Variants in SNX1 observed in about 807,000 individuals in gnomAD.
SNX1 encodes sorting nexin 1.
SNX1 carries 36 observed loss-of-function variants against 71.8 expected under a neutral mutation model. The ratio of observed to expected loss-of-function variants is 0.50; its 90% CI spans 0.38 to 0.66. The LOEUF (loss-of-function observed/expected upper bound fraction) is 0.66, where lower values mean the gene tolerates loss of function less well. Ranked by LOEUF, SNX1 falls within the 30% of genes least tolerant of loss-of-function variation. The pLI, the probability that SNX1 is intolerant of heterozygous loss-of-function variation, is 0.00. For synonymous variants in SNX1, 254 were observed against 240.7 expected (o/e 1.06, Z -0.51); for missense variants, 612 against 646.7 (o/e 0.95, Z 0.58).
rs1049455777 is a variant in SNX1 at position 64,136,548 on chromosome 15, G to A, written c.1446+138G>A. 6.9e-6 allele frequency: 5 copies of A among 729,270 alleles called. No homozygotes were observed. In the African/African-American group the frequency reaches 6.9e-5, roughly 10 times the overall value. 45.2% of individuals were successfully genotyped at this position (729,270 alleles called of 1,614,324 possible). On this transcript the variant is annotated intron_variant, in intron 13 of 14. Transcript: ENST00000559844. ...CTCGTGAGCAGGCGTGGCCTTCTTT[G>A]GGGGGGTGTGTGCTTGATCCTAGGA...
intron 2 of SNX1, among the ~76,000 whole-genome samples, chr15:64,117,359 A>G (rs111951891): frequency 0.045 from 6,917 of 152,160 alleles, 197 homozygotes; most frequent in South Asian, 0.085. Flanking sequence ...AGTTCAAACA[A>G]TTCTCCTGCC....
chr15:64,130,418 C>G, intron 10 of SNX1, 97 bp downstream of exon 10: 5 of 1,020,102 alleles, frequency 4.9e-6, no homozygotes, highest in South Asian at 1.3e-5. Flanking sequence ...CTCAGCCATC[C>G]AAGTTGAAAT....
At chr15:64,100,603 T>TAA (rs2080949436) in intron 1 of SNX1, among the ~76,000 whole-genome samples, 2 of 13,868 alleles carry the variant, frequency 1.4e-4, no homozygotes, top group Non-Finnish European at 3.5e-4. Context: ...AAACTCCATC[T>TAA]CAAAAAAAAA....
intron 8 of SNX1, 145 bp downstream of exon 8, chr15:64,127,951 G>T: frequency 1.6e-6 from 1 of 615,318 alleles, no homozygotes; most frequent in Non-Finnish European, 2.8e-6. Flanking sequence ...AGAGTGACAA[G>T]TATTTTTCAG....
In SNX1 at chr15:64,131,816, A is replaced by G; in HGVS notation, c.1145A>G (p.Gln382Arg). 2 of 1,614,202 alleles carry G rather than the reference A, an allele frequency of 1.2e-6. No individual in the cohort carries two copies. Among genetic ancestry groups the G allele is most frequent in the African/African-American group, 2.7e-5 (2 of 75,052 alleles). The change falls in exon 11 of 15, where the codon CAG becomes CGG. Residue 382 changes from glutamine to arginine, a missense_variant. Physicochemically the swap from Gln to Arg is conservative, Grantham distance 43. Transcript: ENST00000559844. ...EVEEKIEQLH[Q>R]EQANNDFFLL... ...GAAGAAAAAATTGAGCAGCTCCACC[A>G]GGAACAGGCCAACAATGACTTCTTC...
Position 64,140,228 on chromosome 15 carries a change from T to C in SNX1, c.*2610T>C, listed in dbSNP as rs892526902. ...CCAACATGATTTCCTAACTCCATAA[T>C]GCCTTCTACATTTATTGGTTGACAT... On this transcript the variant is annotated 3_prime_UTR_variant, in exon 15 of 15. Coordinates refer to ENST00000559844, the MANE Select transcript of SNX1 (RefSeq NM_003099.5). The C allele has an allele frequency of 6.6e-5, 10 of 152,264 alleles. No homozygotes were observed. Among genetic ancestry groups the C allele is most frequent in the Non-Finnish European group, 1.0e-4 (7 of 68,050 alleles). The allele number at this position is 152,264 out of a possible 1,614,324, so 9.4% of individuals were successfully genotyped here. A position where few individuals can be genotyped will look rare whatever the true frequency, so the allele number is the denominator to read the frequency against.
chr15:64,100,367 C>T (rs2080946116), intron 1 of SNX1, among the ~76,000 whole-genome samples: 2 of 151,990 alleles, frequency 1.3e-5, no homozygotes, highest in South Asian at 2.1e-4. Flanking sequence ...TTTGACAGGC[C>T]GAGGCGGGCG....
intron 1 of SNX1, among the ~76,000 whole-genome samples, chr15:64,108,992 A>G (rs566843330): frequency 1.3e-5 from 2 of 151,902 alleles, no homozygotes; most frequent in East Asian, 1.9e-4. Flanking sequence ...CATCTCAAAA[A>G]AAAAAAAAAC....
intron 1 of SNX1, among the ~76,000 whole-genome samples, chr15:64,110,901 A>G (rs1372243504): frequency 6.6e-6 from 1 of 152,230 alleles, no homozygotes; most frequent in East Asian, 1.9e-4. Flanking sequence ...GGCTTTATTC[A>G]TCTTTATATC....
At chr15:64,124,992 A>G (rs2081235165) in intron 5 of SNX1, among the ~76,000 whole-genome samples, 1 of 152,114 alleles carries the variant, frequency 6.6e-6, no homozygotes, top group Non-Finnish European at 1.5e-5. Context: ...TTGTCTCTCT[A>G]CTACTTGTTG....
intron 2 of SNX1, among the ~76,000 whole-genome samples, chr15:64,112,985 G>C (rs1382301462): frequency 6.6e-6 from 1 of 152,172 alleles, no homozygotes; most frequent in African/African-American, 2.4e-5. Context: ...AGGAGTGTGA[G>C]ACCAGTGACT....
chr15:64,103,059 G>A (rs901949917), intron 1 of SNX1, among the ~76,000 whole-genome samples: 1 of 152,106 alleles, frequency 6.6e-6, no homozygotes, highest in Non-Finnish European at 1.5e-5. Flanking sequence ...GAGCCACCAT[G>A]CCTGGCCTAT....
At chr15:64,109,071 A>G (rs1005391147) in intron 1 of SNX1, among the ~76,000 whole-genome samples, 1 of 151,760 alleles carries the variant, frequency 6.6e-6, no homozygotes, top group Non-Finnish European at 1.5e-5. Context: ...ACTTCTGTGT[A>G]AGAAAAATGC....
intron 1 of SNX1, 61 bp downstream of exon 1, chr15:64,096,233 A>C: frequency 6.6e-7 from 1 of 1,519,728 alleles, no homozygotes; most frequent in Non-Finnish European, 8.8e-7. Context: ...AGAGAGGCTA[A>C]GCGAGAATCG....
At chr15:64,105,267 C>T (rs940626927) in intron 1 of SNX1, among the ~76,000 whole-genome samples, 1 of 151,804 alleles carries the variant, frequency 6.6e-6, no homozygotes, top group African/African-American at 2.4e-5. Flanking sequence ...TAAAGGTTGC[C>T]GTCAGACTTC....
chr15:64,119,979 T>C (rs1458417479), intron 4 of SNX1, among the ~76,000 whole-genome samples: 2 of 152,170 alleles, frequency 1.3e-5, no homozygotes, highest in Admixed American at 1.3e-4. Flanking sequence ...GTACTCAAAA[T>C]TGAAGTTAGA....
In SNX1 at chr15:64,134,484, G is replaced by A; in HGVS notation, c.1222-180G>A. On this transcript the variant is annotated intron_variant, in intron 11 of 14. Transcript: ENST00000559844. This position sits in a 1 kb window ranked among gnomAD's most constrained non-coding sequence, Gnocchi z 4.1. ...TGGCCTTCTGGAAGCTTGGAGAGGA[G>A]TCTTACCCAAGCTTTGCTCCTAGAC... 1.5e-6 allele frequency: 1 copy of A among 656,900 alleles called. No individual in the cohort carries two copies. Among genetic ancestry groups the A allele is most frequent in the Non-Finnish European group, 2.5e-6 (1 of 394,770 alleles). 40.7% of individuals were successfully genotyped at this position (656,900 alleles called of 1,614,324 possible).
rs749238444 is a variant in SNX1 at position 64,143,463 on chromosome 15, G to C, written c.*5845G>C. The C allele has an allele frequency of 2.0e-5, 3 of 152,192 alleles. No individual in the cohort carries two copies. The highest frequency in any genetic ancestry group is 4.4e-5 in the Non-Finnish European group (3 of 68,032). 9.4% of individuals were successfully genotyped at this position (152,192 alleles called of 1,614,324 possible). On this transcript the variant is annotated 3_prime_UTR_variant, in exon 15 of 15. Transcript: ENST00000559844. ...AACAGGTGTCAAATAGATAACTGTT[G>C]AATGATTGTTCCCCAGTTGCAGGCT...
At chr15:64,114,354 A>G (rs2081107727) in intron 2 of SNX1, among the ~76,000 whole-genome samples, 1 of 152,236 alleles carries the variant, frequency 6.6e-6, no homozygotes, top group Non-Finnish European at 1.5e-5. Flanking sequence ...AATATAATGG[A>G]TATCAAAAAA....
Sources: allele counts gnomAD v4.1 joint callset (sites outside exome capture counted in the v4.1 genomes callset), GRCh38; gene constraint gnomAD v4.1.1; non-coding constraint Gnocchi (gnomAD v3.1); transcripts MANE v1.5; gene names NCBI Gene and HGNC (gene_info 2026-07-23, HGNC 2026-07-21).